CCDC138: variants seen among roughly 807,000 people sequenced by gnomAD.
The protein encoded by CCDC138 is coiled-coil domain containing 138.
Under a neutral mutation model 82.3 loss-of-function variants are expected in CCDC138, and 66 were observed. The observed-to-expected ratio is 0.80, with a 90% CI of 0.66 to 0.98. The LOEUF is 0.98. CCDC138 is among the 50% of genes least tolerant of loss of function. The pLI is 0.00. For synonymous variants in CCDC138, 297 were observed against 265.4 expected, an observed-to-expected ratio of 1.12 and a Z score of -1.16; for missense variants, 816 against 758.9, an observed-to-expected ratio of 1.08 and a Z score of -0.88.
At chr2:108,831,737 C>CTTCCTTCCTTCCTTCCTTCT (rs59778677) in intron 10 of CCDC138, among the ~76,000 whole-genome samples, 1 of 151,798 alleles carries the variant, frequency 6.6e-6, no homozygotes, top group South Asian at 2.1e-4. Flanking sequence ...TCCTTCCTTC[C>CTTCCTTCCTTCCTTCCTTCT]GTCCTTCCTG....
At chr2:108,803,240 C>T (rs903636513) in intron 6 of CCDC138, among the ~76,000 whole-genome samples, 6 of 152,162 alleles carry the variant, frequency 3.9e-5, no homozygotes, top group Non-Finnish European at 8.8e-5. Flanking sequence ...CCCGCCTGAG[C>T]GGCTCAAAGT....
At chr2:108,869,042 T>G (rs972634310) in intron 13 of CCDC138, among the ~76,000 whole-genome samples, 10 of 152,182 alleles carry the variant, frequency 6.6e-5, no homozygotes, top group Admixed American at 1.3e-4. Flanking sequence ...TTTTGTTTCC[T>G]TGAAGAAAAT....
chr2:108,868,921 T>C (rs953727508), intron 13 of CCDC138, among the ~76,000 whole-genome samples: 12 of 151,850 alleles, frequency 7.9e-5, no homozygotes, highest in African/African-American at 2.4e-4. Context: ...AATGAAATTT[T>C]TTTCTATTTG....
chr2:108,820,815 A>C (rs1685573975), intron 10 of CCDC138, among the ~76,000 whole-genome samples: 1 of 152,140 alleles, frequency 6.6e-6, no homozygotes. Context: ...TAACCATTAC[A>C]CCTGCCCTAT....
intron 6 of CCDC138, among the ~76,000 whole-genome samples, chr2:108,800,608 CTTTTTTTTTTTT>C (rs67529329): frequency 1.5e-4 from 5 of 33,492 alleles, no homozygotes; most frequent in African/African-American, 5.7e-4. Flanking sequence ...CTCAGTTTAG[CTTTTTTTTTTTT>C]TTTTTTTTTT....
At position 108,876,111 on chromosome 2, in the gene CCDC138, T is replaced by A. The variant is rs757997344; in HGVS notation, c.1856T>A (p.Leu619His). 6.2e-7 allele frequency: 1 copy of A among 1,600,964 alleles called. No individual in the cohort carries two copies. The highest frequency in any genetic ancestry group is 2.2e-5 in the East Asian group (1 of 44,732). The change falls in exon 15 of 15, where the codon CTT becomes CAT. Residue 619 changes from leucine to histidine, a missense_variant. Transcript: ENST00000295124. ...KIKSNKKLFE[L>H]FTIHLMLQEI... The stretch of plus-strand genomic sequence containing the variant: ...AGGAGTAATAAGAAGCTCTTTGAAC[T>A]TTTTACGATTCATCTGATGCTTCAA...
intron 10 of CCDC138, among the ~76,000 whole-genome samples, chr2:108,821,876 T>C (rs1002297077): frequency 7.0e-6 from 1 of 142,230 alleles, no homozygotes; most frequent in Non-Finnish European, 1.5e-5. Context: ...ACCCAGGAGG[T>C]GAGATTGTGC....
chr2:108,829,352 A>G (rs1259882730), intron 10 of CCDC138, among the ~76,000 whole-genome samples: 5 of 152,234 alleles, frequency 3.3e-5, no homozygotes, highest in Non-Finnish European at 7.3e-5. Flanking sequence ...TTCTCCAAAG[A>G]TAAAGAAATG....
chr2:108,791,014 G>A (rs560478588), intron 3 of CCDC138, among the ~76,000 whole-genome samples: 18 of 151,982 alleles, frequency 1.2e-4, no homozygotes, highest in Admixed American at 4.6e-4. Context: ...CTCCCACTTC[G>A]GCCTCCCAAA....
intron 13 of CCDC138, among the ~76,000 whole-genome samples, chr2:108,865,894 C>T (rs913707278): frequency 6.6e-6 from 1 of 152,116 alleles, no homozygotes; most frequent in Non-Finnish European, 1.5e-5. Context: ...GTCAGTGCTC[C>T]AAGACAGGGT....
rs1309907777 is a variant in CCDC138, at chr2:108,863,979, C to T, written c.1693+7009C>T. On this transcript the variant is annotated intron_variant, in intron 13 of 14. Transcript: ENST00000295124. ...TCACTTTAATGATTGGTTTGCATCC[C>T]CTTGTTTGACACTGTTAACAGAATC... Among the ~76,000 whole-genome samples the T allele has an allele frequency of 2.6e-5, 4 of 152,082 alleles. No individual in the cohort carries two copies. The East Asian group carries it at 7.7e-4, about 29-fold the overall frequency.
chr2:108,832,664 A>G (rs767036046), intron 10 of CCDC138, among the ~76,000 whole-genome samples: 6 of 152,194 alleles, frequency 3.9e-5, no homozygotes, highest in African/African-American at 1.2e-4. Context: ...GGTATAGGTA[A>G]ATTATATCCT....
chr2:108,872,114 T>C (rs1435708288), intron 13 of CCDC138, among the ~76,000 whole-genome samples: 1 of 152,214 alleles, frequency 6.6e-6, no homozygotes, highest in South Asian at 2.1e-4. Context: ...TTTAATCTCT[T>C]TTGCTTTTGT....
intron 10 of CCDC138, among the ~76,000 whole-genome samples, chr2:108,836,510 A>G (rs1282196571): frequency 1.3e-5 from 2 of 152,180 alleles, no homozygotes; most frequent in Non-Finnish European, 2.9e-5. Context: ...ATCCCTTTGG[A>G]CATATACCCA....
chr2:108,835,524 A>G (rs560184554), intron 10 of CCDC138, among the ~76,000 whole-genome samples: 14 of 152,340 alleles, frequency 9.2e-5, no homozygotes, highest in African/African-American at 3.4e-4. Context: ...AATATTTTTC[A>G]CAAAGTATTG....
Position 108,804,878 on chromosome 2 carries a change from T to C in CCDC138, c.736-11T>C. 6 of 1,503,456 alleles carry C rather than the reference T, an allele frequency of 4.0e-6. No individual in the cohort carries two copies. The highest frequency in any genetic ancestry group is 1.4e-5 in the African/African-American group (1 of 69,626). The allele number at this position is 1,503,456 out of a possible 1,614,324, so 93.1% of individuals were successfully genotyped here. A position where few individuals can be genotyped will look rare whatever the true frequency, so the allele number is the denominator to read the frequency against. Reference sequence around the variant, plus strand: ...AAGTTTTAGATGAGAGTTTTTTTTTTCTCCTCCTAGCAGCATGATGCAGAA... The same window carrying C: ...AAGTTTTAGATGAGAGTTTTTTTTTCCTCCTCCTAGCAGCATGATGCAGAA... On this transcript the variant is annotated splice_polypyrimidine_tract_variant and intron_variant, in intron 6 of 14. Transcript: ENST00000295124.
intron 10 of CCDC138, among the ~76,000 whole-genome samples, chr2:108,818,386 C>T (rs189178487): frequency 4.3e-4 from 66 of 152,162 alleles, no homozygotes; most frequent in South Asian, 1.2e-3. Flanking sequence ...ATATTTAGCA[C>T]GTGTATTTCT....
At position 108,798,445 on chromosome 2, in the gene CCDC138, A is replaced by G. The variant is rs776632622; in HGVS notation, c.594A>G (p.Gln198=). Residue 198 remains glutamine, a synonymous_variant, in exon 6 of 15, where the codon CAA becomes CAG. Coordinates refer to ENST00000295124, the MANE Select transcript of CCDC138 (RefSeq NM_144978.3). Reference sequence around the variant, plus strand: ...TGATACAGTGTGAAACTGCAGCACAACAGAAATTTGCTGAAGAACTTCAAA... The same window carrying G: ...TGATACAGTGTGAAACTGCAGCACAGCAGAAATTTGCTGAAGAACTTCAAA... ...HLKLQCETAA[Q]QKFAEELQKR... The G allele has an allele frequency of 1.4e-5, 22 of 1,613,086 alleles. No homozygotes were observed. Among genetic ancestry groups the G allele is most frequent in the Non-Finnish European group, 1.8e-5 (21 of 1,179,692 alleles).
chr2:108,823,537 G>C (rs1686066697), intron 10 of CCDC138, among the ~76,000 whole-genome samples: 3 of 152,186 alleles, frequency 2.0e-5, no homozygotes, highest in African/African-American at 4.8e-5. Context: ...TACCAGCCTA[G>C]GCTATATTAG....
Sources: gnomAD v4.1 joint callset for allele counts (sites outside exome capture counted in the v4.1 genomes callset) on GRCh38, gnomAD v4.1.1 for gene constraint, MANE v1.5 for transcripts, NCBI Gene and HGNC (gene_info 2026-07-23, HGNC 2026-07-21) for gene names.